Variants in ATP5MC3 observed in about 807,000 individuals in gnomAD.
The protein encoded by ATP5MC3 is ATP synthase membrane subunit c locus 3, also known as ATP synthase F(0) complex subunit C3, mitochondrial.
In ATP5MC3, 6 loss-of-function variants were observed where a neutral mutation model predicts 15.6. The observed-to-expected ratio is 0.38, with a 90% confidence interval of 0.21 to 0.76. The LOEUF (loss-of-function observed/expected upper bound fraction) is 0.76, where lower values mean the gene tolerates loss of function less well. Ranked by LOEUF, ATP5MC3 falls within the 30% of genes least tolerant of loss-of-function variation. The pLI, the probability that ATP5MC3 is intolerant of heterozygous loss-of-function variation, is 0.44. For missense variants in ATP5MC3, 132 were observed against 171.2 expected (o/e 0.77, Z 1.28); for synonymous variants, 66 against 63.3 (o/e 1.04, Z -0.20).
intron 3 of ATP5MC3, chr2:175,179,813 T>A: frequency 5.6e-6 from 2 of 358,688 alleles, no homozygotes; most frequent in Non-Finnish European, 5.0e-6. Context: ...TCCAATAGAG[T>A]ACATTTTTCA....
intron 2 of ATP5MC3, among the ~76,000 whole-genome samples, chr2:175,180,661 T>C (rs1458266608): frequency 6.6e-6 from 1 of 152,192 alleles, no homozygotes; most frequent in Non-Finnish European, 1.5e-5. Context: ...TAAGCAATTC[T>C]ACATCAGTTT....
Position 175,181,348 on chromosome 2 carries a change from T to C in ATP5MC3, c.39+7A>G. ...TCAATCCCCCCGACCCTGCCTGGGC[T>C]ACGCACCAGAGAGGGGGTGCAGGCG... On this transcript the variant is annotated splice_region_variant and intron_variant, in intron 2 of 4. Coordinates refer to ENST00000284727, the MANE Select transcript of ATP5MC3 (RefSeq NM_001689.5). 6.2e-7 allele frequency: 1 copy of C among 1,613,440 alleles called. No homozygotes were observed.
chr2:175,178,587 A>G, intron 4 of ATP5MC3, 185 bp from the exon 5 acceptor site: 1 of 1,324,182 alleles, frequency 7.6e-7, no homozygotes, highest in Non-Finnish European at 9.6e-7. Context: ...AAAGGTAGGG[A>G]GCTGTCTGTC....
intron 2 of ATP5MC3, among the ~76,000 whole-genome samples, 171 bp from the exon 3 acceptor site, chr2:175,180,349 TAA>T (rs919276554): frequency 2.0e-5 from 3 of 152,228 alleles, no homozygotes; most frequent in Admixed American, 6.5e-5. Flanking sequence ...GCAATTTTAA[TAA>T]AGTTTCATGC....
At position 175,178,235 on chromosome 2, in the gene ATP5MC3, A is replaced by G; in HGVS notation, c.*53T>C. 2 of 1,581,846 alleles carry G rather than the reference A, an allele frequency of 1.3e-6. No individual in the cohort carries two copies. The highest frequency in any genetic ancestry group is 1.7e-6 in the Non-Finnish European group (2 of 1,168,662). On this transcript the variant is annotated 3_prime_UTR_variant, in exon 5 of 5. Transcript: ENST00000284727. ...AGTTTTCGGAGTCACAGTAAGATAC[A>G]CAGAATTACATCCGTAATTAATATG...
Position 175,181,217 on chromosome 2 carries a change from A to G in ATP5MC3, c.39+138T>C, listed in dbSNP as rs921966273. 1.2e-5 allele frequency: 13 copies of G among 1,060,456 alleles called. No individual in the cohort carries two copies. The African/African-American group carries it at 1.5e-4, about 12-fold the overall frequency. 65.7% of individuals were successfully genotyped at this position (1,060,456 alleles called of 1,614,324 possible). A position where few individuals can be genotyped will look rare whatever the true frequency, so the allele number is the denominator to read the frequency against. ...CCCTAAGATTAGGAAGAAAACGGCA[A>G]TGGGTTAATAGGTAAGGAGAAAGCC... On this transcript the variant is annotated intron_variant, in intron 2 of 4. Coordinates refer to ENST00000284727, the MANE Select transcript of ATP5MC3 (RefSeq NM_001689.5).
At position 175,181,640 on chromosome 2, in the gene ATP5MC3, T is replaced by G; in HGVS notation, c.-74+16A>C. 3.9e-6 allele frequency: 2 copies of G among 517,846 alleles called. No homozygotes were observed. Among genetic ancestry groups the G allele is most frequent in the South Asian group, 2.8e-5 (1 of 36,286 alleles). The allele number at this position is 517,846 out of a possible 1,614,324, so 32.1% of individuals were successfully genotyped here. The stretch of plus-strand genomic sequence containing the variant: ...TCCGCCCTGGCCAGGCCGGGCTCCC[T>G]GTGCCCTCCACTTACCTTCCCAGGA... On this transcript the variant is annotated intron_variant, in intron 1 of 4. Coordinates refer to ENST00000284727, the MANE Select transcript of ATP5MC3 (RefSeq NM_001689.5).
Position 175,176,650 on chromosome 2 carries a change from C to T in ATP5MC3, c.*1638G>A, listed in dbSNP as rs1700686636. On this transcript the variant is annotated 3_prime_UTR_variant, in exon 5 of 5. Transcript: ENST00000284727. Reference sequence around the variant, plus strand: ...TCCCCATACGCATTACGCAGTCACTCCCTTTTCACCCCCTCCCTAGTTCCT... The same window carrying T: ...TCCCCATACGCATTACGCAGTCACTTCCTTTTCACCCCCTCCCTAGTTCCT... 6.6e-6 allele frequency: 1 copy of T among 152,170 alleles called. No homozygotes were observed. Among genetic ancestry groups the T allele is most frequent in the Admixed American group, 6.5e-5 (1 of 15,276 alleles). 9.4% of individuals were successfully genotyped at this position (152,170 alleles called of 1,614,324 possible). A position where few individuals can be genotyped will look rare whatever the true frequency, so the allele number is the denominator to read the frequency against.
chr2:175,177,990 C>T lies in ATP5MC3; in HGVS notation c.*298G>A, dbSNP rs1364937288. 2 of 226,570 alleles carry T rather than the reference C, an allele frequency of 8.8e-6. No individual in the cohort carries two copies. Among genetic ancestry groups the T allele is most frequent in the Non-Finnish European group, 1.7e-5 (2 of 118,496 alleles). 14.0% of individuals were successfully genotyped at this position (226,570 alleles called of 1,614,324 possible). A position where few individuals can be genotyped will look rare whatever the true frequency, so the allele number is the denominator to read the frequency against. On this transcript the variant is annotated 3_prime_UTR_variant, in exon 5 of 5. Transcript: ENST00000284727. ...CCTATGAATTACAATATGCAGAACA[C>T]TATATAAAAGAATTCCCATAAAAAT...
Position 175,181,367 on chromosome 2 carries a change from G to A in ATP5MC3, c.27C>T (p.Cys9=). ...CTGGGCTACGCACCAGAGAGGGGGTGCAGGCGAGCTTGGCGCAGGCGAACA... is the reference window on the plus strand; with the variant it reads ...CTGGGCTACGCACCAGAGAGGGGGTACAGGCGAGCTTGGCGCAGGCGAACA... MFACAKLA[C]TPSLIRAGSR... is the part of the protein sequence containing the mutation. The change falls in exon 2 of 5, where the codon TGC becomes TGT. Residue 9 remains cysteine, a synonymous_variant. Transcript: ENST00000284727. The A allele has an allele frequency of 6.2e-7, 1 of 1,613,916 alleles. No homozygotes were observed. Among genetic ancestry groups the A allele is most frequent in the Non-Finnish European group, 8.5e-7 (1 of 1,179,934 alleles).
intron 2 of ATP5MC3, among the ~76,000 whole-genome samples, chr2:175,180,666 C>G (rs1367702988): frequency 6.6e-6 from 1 of 152,164 alleles, no homozygotes; most frequent in Non-Finnish European, 1.5e-5. Flanking sequence ...AATTCTACAT[C>G]AGTTTAAGAA....
intron 1 of ATP5MC3, 79 bp from the exon 2 acceptor site, chr2:175,181,545 C>T: frequency 1.1e-6 from 1 of 913,616 alleles, no homozygotes; most frequent in Non-Finnish European, 1.6e-6. Context: ...GGCTCCCGTG[C>T]ACGCCGTCAG....
intron 3 of ATP5MC3, among the ~76,000 whole-genome samples, 154 bp from the exon 4 acceptor site, chr2:175,179,404 T>G (rs1700736630): frequency 6.6e-6 from 1 of 152,248 alleles, no homozygotes; most frequent in African/African-American, 2.4e-5. Context: ...CACTCTTGTG[T>G]AACAGGGATA....
chr2:175,181,240 G>A (rs879716920), intron 2 of ATP5MC3, 115 bp downstream of exon 2: 2 of 1,280,140 alleles, frequency 1.6e-6, no homozygotes, highest in Non-Finnish European at 2.2e-6. Flanking sequence ...TAAGGAGAAA[G>A]CCGTTCCCGA....
At chr2:175,178,425 G>A (rs776445504) in intron 4 of ATP5MC3, 23 bp from the exon 5 acceptor site, 51 of 1,569,588 alleles carry the variant, frequency 3.2e-5, no homozygotes, top group Admixed American at 8.5e-5. Flanking sequence ...ACATATGACT[G>A]TTACTTTGAA....
rs1375063191 is a variant in ATP5MC3, at chr2:175,178,342, T to A, written c.375A>T (p.Glu125Asp). The A allele has an allele frequency of 2.0e-5, 32 of 1,613,018 alleles. No individual in the cohort carries two copies. Among genetic ancestry groups the A allele is most frequent in the Non-Finnish European group, 2.5e-5 (30 of 1,179,682 alleles). ...CCATCAAACAAAAGAGACCCATAGC[T>A]TCAGACAAGGCAAATCCCAGGATAG... ...SYAILGFALSEAMGLFCLMVA... is the reference protein window; with the variant it reads ...SYAILGFALSDAMGLFCLMVA... The change falls in exon 5 of 5, where the codon GAA becomes GAT. Residue 125 changes from glutamate (E) to aspartate (D), a missense_variant. Around this residue, in one of 2 missense-constraint regions of ATP5MC3, gnomAD observed 42 missense variants for 85.0 expected, o/e 0.49. Transcript: ENST00000284727.
intron 3 of ATP5MC3, 40 bp downstream of exon 3, chr2:175,180,058 T>G: frequency 6.9e-7 from 1 of 1,457,112 alleles, no homozygotes; most frequent in Non-Finnish European, 9.4e-7. Context: ...CCTACCCTTA[T>G]TTGGTAGTGT....
chr2:175,179,552 G>A (rs901600999), intron 3 of ATP5MC3: 1 of 298,224 alleles, frequency 3.4e-6, no homozygotes, highest in Non-Finnish European at 6.3e-6. Context: ...CCAGGCTGGA[G>A]TGCAGTACAG....
intron 4 of ATP5MC3, 135 bp from the exon 5 acceptor site, chr2:175,178,537 T>C (rs1470578887): frequency 2.8e-6 from 4 of 1,412,164 alleles, no homozygotes; most frequent in Non-Finnish European, 3.7e-6. Flanking sequence ...TGCCTAGATC[T>C]CTCTTACACT....
Sources: gnomAD v4.1 joint callset for allele counts (sites outside exome capture counted in the v4.1 genomes callset) on GRCh38, gnomAD v4.1.1 for gene constraint, gnomAD v4.1.1 regional missense constraint, MANE v1.5 for transcripts, NCBI Gene and HGNC (gene_info 2026-07-23, HGNC 2026-07-21) for gene names.